The following RAD54L2 variants were observed in gnomAD, a reference collection of about 807,000 sequenced individuals.
RAD54L2 encodes the protein RAD54 like 2.
RAD54L2 carries 27 observed loss-of-function variants against 138.4 expected under a neutral mutation model. The observed-to-expected ratio is 0.20, with a 90% confidence interval of 0.14 to 0.27. The LOEUF is 0.27. RAD54L2 is among the 10% of genes least tolerant of loss of function. The probability of loss-of-function intolerance (pLI) is 1.00; values close to 1 mark genes in which losing one functional copy is unlikely to be tolerated. For missense variants in RAD54L2, 1,396 were observed against 1,890.2 expected, an observed-to-expected ratio of 0.74 and a Z score of 4.85; for synonymous variants, 644 against 723.2, an observed-to-expected ratio of 0.89 and a Z score of 1.76.
rs1318865463 is a variant in RAD54L2, at chr3:51,662,725, G to T, written c.3709G>T (p.Val1237Leu). The part of the protein sequence containing the change: ...GGHCLNSSLL[V>L]TGQPCGDRHP... ...TCATTGCCTCAATAGTTCCCTCTTG[G>T]TGACTGGCCAGCCCTGTGGTGACAG... The change falls in exon 23 of 23, where the codon GTG (valine) becomes TTG (leucine). Residue 1237 changes from valine (V) to leucine (L), a missense_variant. Physicochemically the swap from Val to Leu is conservative, Grantham distance 32. Coordinates refer to ENST00000684192, the MANE Select transcript of RAD54L2 (RefSeq NM_015106.4). The surrounding 1 kb of genome is among the most constrained non-coding windows in gnomAD (Gnocchi z 4.6). 1.2e-6 allele frequency: 2 copies of T among 1,613,664 alleles called. No individual in the cohort carries two copies. The highest frequency in any genetic ancestry group is 2.7e-5 in the African/African-American group (2 of 74,916).
At chr3:51,630,450 A>T (rs559798537) in intron 6 of RAD54L2, 62 bp downstream of exon 6, 2 of 1,480,962 alleles carry the variant, frequency 1.4e-6, no homozygotes, top group African/African-American at 2.8e-5. Context: ...GATCGGCTAT[A>T]CTTTGAAAAG....
At chr3:51,653,555 A>G (rs9311470) in intron 19 of RAD54L2, among the ~76,000 whole-genome samples, 6,766 of 152,258 alleles carry the variant, frequency 0.044, 497 homozygotes, top group African/African-American at 0.15. Flanking sequence ...TGATAGACTG[A>G]ATTAAGAAAA....
chr3:51,628,172 C>T (rs1173755030), intron 4 of RAD54L2, among the ~76,000 whole-genome samples: 2 of 152,092 alleles, frequency 1.3e-5, no homozygotes, highest in Admixed American at 6.5e-5. Context: ...AGCAAGACTC[C>T]TTCTAAGAGC....
chr3:51,632,747 G>A (rs553599815), intron 7 of RAD54L2, among the ~76,000 whole-genome samples: 54 of 151,536 alleles, frequency 3.6e-4, no homozygotes, highest in Admixed American at 9.2e-4. Context: ...CAAAAATTAG[G>A]TGGGCATGGT....
intron 14 of RAD54L2, among the ~76,000 whole-genome samples, chr3:51,640,460 G>C (rs1701102554): frequency 6.6e-6 from 1 of 152,178 alleles, no homozygotes; most frequent in Non-Finnish European, 1.5e-5. Context: ...GATGTAGTTT[G>C]CTCCGGAGTT....
chr3:51,586,304 A>G (rs563521112), intron 2 of RAD54L2, among the ~76,000 whole-genome samples: 1 of 152,082 alleles, frequency 6.6e-6, no homozygotes, highest in South Asian at 2.1e-4. Context: ...TATTTTGTAG[A>G]TATGGGCATC....
At chr3:51,630,496 T>G in intron 6 of RAD54L2, 108 bp downstream of exon 6, 1 of 1,108,198 alleles carries the variant, frequency 9.0e-7, no homozygotes, top group East Asian at 2.5e-5. Context: ...GGGATGTGGC[T>G]TTGACTAATT....
rs540892169 is a variant in RAD54L2, at chr3:51,657,752, G to A, written c.3316+83G>A. ...AGAAGAATAAATACATATGACTTGAGCTAGACGGGTCATAGGAATCATCCC... is the reference window on the plus strand; with the variant it reads ...AGAAGAATAAATACATATGACTTGAACTAGACGGGTCATAGGAATCATCCC... On this transcript the variant is annotated intron_variant, in intron 21 of 22. Transcript: ENST00000684192. 56 of 949,732 alleles carry A rather than the reference G, an allele frequency of 5.9e-5. No individual in the cohort carries two copies. The East Asian group carries it at 1.4e-3, about 23-fold the overall frequency. The allele number at this position is 949,732 out of a possible 1,614,324, so 58.8% of individuals were successfully genotyped here. A position where few individuals can be genotyped will look rare whatever the true frequency, so the allele number is the denominator to read the frequency against.
chr3:51,635,578 C>G lies in RAD54L2; in HGVS notation c.1143-15C>G, dbSNP rs1370663801. 1 of 1,584,176 alleles carries G rather than the reference C, an allele frequency of 6.3e-7. No individual in the cohort carries two copies. The highest frequency in any genetic ancestry group is 2.3e-5 in the East Asian group (1 of 44,084). ...TAATTCACATCTCACACAATTTTCT[C>G]TGTTCATCTTGCAGGACGATGGCAT... On this transcript the variant is annotated splice_polypyrimidine_tract_variant and intron_variant, in intron 9 of 22. Transcript: ENST00000684192.
intron 3 of RAD54L2, among the ~76,000 whole-genome samples, chr3:51,603,668 T>C (rs1042478137): frequency 2.6e-5 from 4 of 152,068 alleles, no homozygotes; most frequent in Admixed American, 2.6e-4. Flanking sequence ...GAAGGCTGCC[T>C]GAAAAATAAA....
chr3:51,590,663 A>C (rs934098962), intron 3 of RAD54L2, 104 bp downstream of exon 3: 48 of 1,469,514 alleles, frequency 3.3e-5, no homozygotes, highest in African/African-American at 4.2e-5. Flanking sequence ...TAGGCCATCC[A>C]TAGTGGGAAG....
chr3:51,639,518 A>G lies in RAD54L2; in HGVS notation c.1960A>G (p.Ser654Gly). 1 of 1,614,044 alleles carries G rather than the reference A, an allele frequency of 6.2e-7. No homozygotes were observed. The highest frequency in any genetic ancestry group is 8.5e-7 in the Non-Finnish European group (1 of 1,179,898). ...DVEELGSAGT[S>G]ARCPPQGTKG... ...GGAAGAACTTGGCTCTGCAGGGACC[A>G]GTGCCCGCTGTCCACCACAGGGAAC... The change falls in exon 13 of 23, where the codon AGT becomes GGT. Residue 654 changes from serine (S) to glycine (G), a missense_variant. By Grantham distance (56) the Ser-to-Gly change is moderately conservative (BLOSUM62 0). Coordinates refer to ENST00000684192, the MANE Select transcript of RAD54L2 (RefSeq NM_015106.4).
intron 2 of RAD54L2, among the ~76,000 whole-genome samples, chr3:51,558,982 TA>T (rs1475068443): frequency 3.3e-5 from 5 of 152,160 alleles, no homozygotes; most frequent in Admixed American, 1.3e-4. Flanking sequence ...TAAGCAATTC[TA>T]CTGCCTTAAC....
chr3:51,616,026 TG>T (rs1001280466), intron 3 of RAD54L2, among the ~76,000 whole-genome samples: 1 of 152,144 alleles, frequency 6.6e-6, no homozygotes. Context: ...TATACATATT[TG>T]GGGGGCACAC....
At chr3:51,590,626 G>A (rs1699820555) in intron 3 of RAD54L2, 67 bp downstream of exon 3, 4 of 1,551,132 alleles carry the variant, frequency 2.6e-6, no homozygotes, top group African/African-American at 1.4e-5. Flanking sequence ...TTTGCTGGGA[G>A]ACCTTGGCGT....
rs1337567758 is a variant in RAD54L2 at position 51,662,924 on chromosome 3, A to G, written c.3908A>G (p.His1303Arg). 3.1e-6 allele frequency: 5 copies of G among 1,613,716 alleles called. No individual in the cohort carries two copies. In the East Asian group the frequency reaches 8.9e-5, roughly 29 times the overall value. Reference sequence around the variant, plus strand: ...GCCATGCCACCCGTCTCCTTAAACCATAACCTCACCACCCCCTTCACCTCC... The same window carrying G: ...GCCATGCCACCCGTCTCCTTAAACCGTAACCTCACCACCCCCTTCACCTCC... ...GFAMPPVSLN[H>R]NLTTPFTSQA... Residue 1303 changes from histidine (H) to arginine (R), a missense_variant, in exon 23 of 23, where the codon CAT (histidine) becomes CGT (arginine). By Grantham distance (29) the His-to-Arg change is conservative. Transcript: ENST00000684192. The surrounding 1 kb of genome is among the most constrained non-coding windows in gnomAD (Gnocchi z 4.6).
rs1701909521 is a variant in RAD54L2, at chr3:51,666,209, T to TTA, written c.*2789_*2790insTA. ...TTTTTTTTTTTTTTTTTTTTTTTTTTAAAGAAAATAACCTGAAAACACTTC... is the reference window on the plus strand; with the variant it reads ...TTTTTTTTTTTTTTTTTTTTTTTTTTTAAAAGAAAATAACCTGAAAACACTTC... On this transcript the variant is annotated 3_prime_UTR_variant, in exon 23 of 23. Transcript: ENST00000684192. 1.1e-4 allele frequency: 14 copies of TTA among 122,712 alleles called. No homozygotes were observed. The highest frequency in any genetic ancestry group is 4.3e-4 in the African/African-American group (13 of 30,146). The allele number at this position is 122,712 out of a possible 1,614,324, so 7.6% of individuals were successfully genotyped here.
chr3:51,548,082 TG>T (rs1698745659), intron 2 of RAD54L2, among the ~76,000 whole-genome samples: 1 of 150,686 alleles, frequency 6.6e-6, no homozygotes, highest in African/African-American at 2.4e-5. Flanking sequence ...TTAGTAGAGA[TG>T]GGGTTTCGCC....
At chr3:51,634,108 C>T in intron 9 of RAD54L2, 73 bp downstream of exon 9, 1 of 1,533,798 alleles carries the variant, frequency 6.5e-7, no homozygotes. Flanking sequence ...TTAAGGCAGT[C>T]TCTTTGAGTG....
Sources: gnomAD v4.1 joint callset for allele counts (sites outside exome capture counted in the v4.1 genomes callset) on GRCh38, gnomAD v4.1.1 for gene constraint, Gnocchi (gnomAD v3.1) non-coding constraint, MANE v1.5 for transcripts, NCBI Gene and HGNC (gene_info 2026-07-23, HGNC 2026-07-21) for gene names.